The following IRAK1BP1 variants were observed in gnomAD, a reference collection of about 807,000 sequenced individuals.
The protein encoded by IRAK1BP1 is interleukin-1 receptor-associated kinase 1-binding protein 1.
Under a neutral mutation model 28.0 loss-of-function variants are expected in IRAK1BP1, and 24 were observed. The ratio of observed to expected loss-of-function variants is 0.86; its 90% CI spans 0.62 to 1.20. The LOEUF (loss-of-function observed/expected upper bound fraction) is 1.20, where lower values mean the gene tolerates loss of function less well. Among genes scored for constraint, IRAK1BP1 ranks in the 50% most tolerant of loss-of-function variants. The probability of loss-of-function intolerance (pLI) is 0.00; values close to 1 mark genes in which losing one functional copy is unlikely to be tolerated. For missense variants in IRAK1BP1, 336 were observed against 316.7 expected (o/e 1.06, Z -0.46); for synonymous variants, 131 against 116.3 (o/e 1.13, Z -0.81).
the IRAK1BP1 span, among the ~76,000 whole-genome samples, chr6:78,970,382 GA>G: frequency 8.0e-5 from 12 of 149,632 alleles, no homozygotes; most frequent in South Asian, 2.1e-4. Context: ...CGTAAAAAAG[GA>G]AAAAAAAATA....
intron 4 of IRAK1BP1, among the ~76,000 whole-genome samples, chr6:78,927,025 T>C (rs1413751546): frequency 6.6e-6 from 1 of 152,202 alleles, no homozygotes; most frequent in Non-Finnish European, 1.5e-5. Flanking sequence ...CAGGTATCTC[T>C]TGGATATACT....
chr6:78,914,982 G>A (rs1486443370), intron 4 of IRAK1BP1, among the ~76,000 whole-genome samples: 2 of 150,754 alleles, frequency 1.3e-5, no homozygotes, highest in South Asian at 2.1e-4. Context: ...CACCATGCCC[G>A]GCTAATTTTG....
In IRAK1BP1 at chr6:78,899,801, A is replaced by T. The variant is rs1314039641; in HGVS notation, c.*1467A>T. ...AAAGAAACAGTTGAAACTAATTTTA[A>T]TAACATTTTATTTAACCAAATATAT... On this transcript the variant is annotated 3_prime_UTR_variant, in exon 4 of 4. Coordinates refer to ENST00000369940, the MANE Select transcript of IRAK1BP1 (RefSeq NM_001010844.4). 6.6e-6 allele frequency: 1 copy of T among 152,228 alleles called. No homozygotes were observed. Among genetic ancestry groups the T allele is most frequent in the Non-Finnish European group, 1.5e-5 (1 of 68,036 alleles). The allele number at this position is 152,228 out of a possible 1,614,324, so 9.4% of individuals were successfully genotyped here.
At chr6:78,939,803 A>AAGGACC (rs983418874) in intron 4 of IRAK1BP1, 1 of 152,388 alleles carries the variant, frequency 6.6e-6, no homozygotes, top group African/African-American at 2.4e-5. Context: ...ATCTCTGTCA[A>AAGGACC]AGGACCCACC....
Position 78,929,709 on chromosome 6 carries a change from C to CT in IRAK1BP1, c.*68-15692dup, listed in dbSNP as rs994400597. On this transcript the variant is annotated intron_variant and NMD_transcript_variant, in intron 4 of 4. Transcript: ENST00000606868. ...AATTGAAATTATATTTTTAAAATGG[C>CT]TTTTTTTCCTGTATAAGTGTGGAAT... 1.4e-4 allele frequency among the ~76,000 whole-genome samples: 22 copies of CT among 152,142 alleles called. No homozygotes were observed. In the East Asian group the frequency reaches 2.3e-3, roughly 16 times the overall value.
intron 1 of IRAK1BP1, among the ~76,000 whole-genome samples, chr6:78,880,045 C>T (rs556617777): frequency 8.5e-5 from 13 of 152,168 alleles, no homozygotes; most frequent in Non-Finnish European, 1.8e-4. Flanking sequence ...ACAGCCCATT[C>T]CTGGGCAGTT....
At chr6:78,955,861 T>C in the IRAK1BP1 span, 5 of 351,708 alleles carry the variant, frequency 1.4e-5, no homozygotes, top group Non-Finnish European at 2.1e-5. Flanking sequence ...CTCCACTCTA[T>C]GTAGAGCTTT....
downstream of IRAK1BP1, chr6:78,946,936 A>C (rs1464570010): frequency 1.1e-6 from 1 of 924,266 alleles, no homozygotes; most frequent in African/African-American, 1.8e-5. Flanking sequence ...TGTTCAGTAA[A>C]TACTGTAATG....
chr6:78,902,804 A>G lies in IRAK1BP1; in HGVS notation c.*4470A>G, dbSNP rs566670380. 8.4e-4 allele frequency: 414 copies of G among 491,382 alleles called. 5 individuals are homozygous for G. In the East Asian group the frequency reaches 0.013, roughly 15 times the overall value. 30.4% of individuals were successfully genotyped at this position (491,382 alleles called of 1,614,324 possible). ...CATACATACATACATACATACATAC[A>G]TACATACATACATACATAAAATGCC... On this transcript the variant is annotated 3_prime_UTR_variant, in exon 4 of 4. Transcript: ENST00000369940.
chr6:78,874,293 A>C (rs1174093160), intron 1 of IRAK1BP1, among the ~76,000 whole-genome samples: 2 of 152,196 alleles, frequency 1.3e-5, no homozygotes, highest in African/African-American at 4.8e-5. Flanking sequence ...AGATGTGATC[A>C]TCCTAAGTAG....
At chr6:78,926,909 T>C (rs1215609220) in intron 4 of IRAK1BP1, among the ~76,000 whole-genome samples, 1 of 152,158 alleles carries the variant, frequency 6.6e-6, no homozygotes, top group South Asian at 2.1e-4. Context: ...TAGTACTCCA[T>C]TGTGTATATG....
chr6:78,958,781 G>C, the IRAK1BP1 span, among the ~76,000 whole-genome samples: 37 of 152,092 alleles, frequency 2.4e-4, no homozygotes, highest in African/African-American at 8.7e-4. Context: ...AAAAAAGAGG[G>C]GCAACCATAA....
At chr6:78,940,693 T>C (rs1773458070) in intron 4 of IRAK1BP1, 1 of 1,605,178 alleles carries the variant, frequency 6.2e-7, no homozygotes, top group African/African-American at 1.3e-5. Context: ...TTGGTACAAG[T>C]TACCAACCAA....
chr6:78,910,279 A>G (rs1772369251), intron 4 of IRAK1BP1, among the ~76,000 whole-genome samples: 2 of 152,086 alleles, frequency 1.3e-5, no homozygotes, highest in African/African-American at 4.8e-5. Flanking sequence ...GAGGAAGGAG[A>G]AAGAGGATAC....
Position 78,911,858 on chromosome 6 carries a change from C to G in IRAK1BP1, c.*67+8748C>G, listed in dbSNP as rs551496649. ...GAGTTTAATCTGTCAATCTACATGG[C>G]CAGGATGCAGAGAACTCAGACAGGC... is the stretch of plus-strand genomic sequence containing the variant. On this transcript the variant is annotated intron_variant and NMD_transcript_variant, in intron 4 of 4. Transcript: ENST00000606868. Among the ~76,000 whole-genome samples, 11 of 152,248 alleles carry G rather than the reference C, an allele frequency of 7.2e-5. No individual in the cohort carries two copies. The South Asian group carries it at 2.3e-3, about 32-fold the overall frequency.
intron 2 of IRAK1BP1, among the ~76,000 whole-genome samples, chr6:78,897,544 G>C (rs1771934674): frequency 6.6e-6 from 1 of 152,094 alleles, no homozygotes; most frequent in Admixed American, 6.5e-5. Context: ...ATTTAGCCAA[G>C]TAATAAGGTT....
chr6:78,975,437 GGAA>G, the IRAK1BP1 span, among the ~76,000 whole-genome samples: 2 of 152,128 alleles, frequency 1.3e-5, no homozygotes, highest in Non-Finnish European at 1.5e-5. Flanking sequence ...GGCAAAAACT[GGAA>G]GCATTCCCTT....
At chr6:78,965,951 T>C in the IRAK1BP1 span, 12 of 1,597,860 alleles carry the variant, frequency 7.5e-6, no homozygotes, top group African/African-American at 4.0e-5. Flanking sequence ...TTACCAAACA[T>C]TGTAGCATTG....
chr6:78,958,477 T>G, the IRAK1BP1 span: 1 of 1,499,410 alleles, frequency 6.7e-7, no homozygotes, highest in Non-Finnish European at 9.3e-7. Flanking sequence ...TAACTTACTT[T>G]ATAAAATGTA....
Sources: allele counts gnomAD v4.1 joint callset (sites outside exome capture counted in the v4.1 genomes callset), GRCh38; gene constraint gnomAD v4.1.1; transcripts MANE v1.5; gene names NCBI Gene and HGNC (gene_info 2026-07-23, HGNC 2026-07-21).